Variants in CSMD1 observed in about 807,000 individuals in gnomAD.
CSMD1 encodes the protein CUB and sushi domain-containing protein 1.
A neutral mutation model predicts 417.5 loss-of-function variants in CSMD1; 213 were observed. The observed-to-expected ratio is 0.51, with a 90% CI of 0.46 to 0.57. The LOEUF (loss-of-function observed/expected upper bound fraction) is 0.57, where lower values mean the gene tolerates loss of function less well. CSMD1 is among the 20% of genes least tolerant of loss of function. The pLI, the probability that CSMD1 is intolerant of heterozygous loss-of-function variation, is 0.00. For missense variants in CSMD1, 6,923 were observed against 4,529.7 expected (o/e 1.53, Z -15.17); for synonymous variants, 2,862 against 1,736.8 (o/e 1.65, Z -16.11).
chr8:4,765,094 G>A (rs1032092201), intron 1 of CSMD1, among the ~76,000 whole-genome samples: 1 of 151,978 alleles, frequency 6.6e-6, no homozygotes, highest in African/African-American at 2.4e-5. Context: ...GCAACGCATG[G>A]GCTCATTCAC....
chr8:3,636,699 G>A (rs1315919460), intron 7 of CSMD1, among the ~76,000 whole-genome samples: 10 of 152,226 alleles, frequency 6.6e-5, no homozygotes, highest in African/African-American at 2.2e-4. Context: ...GAAGCCTGGA[G>A]CCACGCTCTT....
At chr8:3,927,640 C>A (rs188408877) in intron 5 of CSMD1, among the ~76,000 whole-genome samples, 1 of 151,668 alleles carries the variant, frequency 6.6e-6, no homozygotes, top group South Asian at 2.1e-4. Flanking sequence ...ACTCCACACT[C>A]GGCGAAAGAG....
chr8:4,192,044 G>T (rs1034828554), intron 3 of CSMD1, among the ~76,000 whole-genome samples: 2 of 152,112 alleles, frequency 1.3e-5, no homozygotes, highest in Non-Finnish European at 2.9e-5. Context: ...TGCAACAAAA[G>T]TATTTGTGTT....
chr8:3,518,081 T>C (rs1001036014), intron 10 of CSMD1, among the ~76,000 whole-genome samples: 1 of 152,092 alleles, frequency 6.6e-6, no homozygotes, highest in African/African-American at 2.4e-5. Context: ...AATGTGATTA[T>C]AACTATAAAA....
At chr8:4,844,714 T>C (rs766485022) in intron 1 of CSMD1, among the ~76,000 whole-genome samples, 2 of 152,206 alleles carry the variant, frequency 1.3e-5, no homozygotes, top group Non-Finnish European at 2.9e-5. Flanking sequence ...AAACAACTAA[T>C]TGTAGTGATA....
intron 7 of CSMD1, among the ~76,000 whole-genome samples, chr8:3,702,704 T>G (rs11988755): frequency 0.079 from 11,998 of 152,186 alleles, 550 homozygotes; most frequent in African/African-American, 0.13. Context: ...TCGTGGTGCA[T>G]GCCTGTAATC....
At chr8:4,065,020 TA>T (rs1342602523) in intron 3 of CSMD1, among the ~76,000 whole-genome samples, 1 of 152,072 alleles carries the variant, frequency 6.6e-6, no homozygotes, top group African/African-American at 2.4e-5. Context: ...TGTTCATTTT[TA>T]AAAAAAATCT....
chr8:4,566,418 C>G (rs1325978730), intron 2 of CSMD1, among the ~76,000 whole-genome samples: 1 of 151,916 alleles, frequency 6.6e-6, no homozygotes, highest in African/African-American at 2.4e-5. Flanking sequence ...CTTTGGGAGG[C>G]CGAGGTGGGT....
At chr8:3,480,831 T>C in intron 11 of CSMD1, among the ~76,000 whole-genome samples, 1 of 152,016 alleles carries the variant, frequency 6.6e-6, no homozygotes, top group South Asian at 2.1e-4. Flanking sequence ...TTAAAAAAAT[T>C]ATCAGGCGTA....
chr8:4,089,581 C>A (rs1199115309), intron 3 of CSMD1, among the ~76,000 whole-genome samples: 1 of 152,056 alleles, frequency 6.6e-6, no homozygotes, highest in Admixed American at 6.5e-5. Flanking sequence ...GTTATTATAC[C>A]TCTTCTCTCA....
chr8:3,839,753 G>A (rs1430202385), intron 5 of CSMD1, among the ~76,000 whole-genome samples: 1 of 151,082 alleles, frequency 6.6e-6, no homozygotes, highest in Non-Finnish European at 1.5e-5. Flanking sequence ...ACCCATGAGT[G>A]CTGCCACTGC....
chr8:3,364,572 T>C (rs1809427401), intron 20 of CSMD1, among the ~76,000 whole-genome samples: 1 of 152,206 alleles, frequency 6.6e-6, no homozygotes, highest in Non-Finnish European at 1.5e-5. Context: ...CCAAAATCCA[T>C]GTGCTGGAAA....
chr8:3,910,130 T>C (rs1047716390), intron 5 of CSMD1, among the ~76,000 whole-genome samples: 1 of 152,180 alleles, frequency 6.6e-6, no homozygotes, highest in African/African-American at 2.4e-5. Context: ...AATAACAGTG[T>C]GTGAGCTTTT....
At chr8:3,835,724 A>C (rs200669936) in intron 5 of CSMD1, among the ~76,000 whole-genome samples, 55,557 of 151,078 alleles carry the variant, frequency 0.37, 10,966 homozygotes, top group African/African-American at 0.51. Context: ...AATTAACAAA[A>C]AAAAAAAAAA....
At chr8:4,218,319 A>G (rs528352201) in intron 3 of CSMD1, among the ~76,000 whole-genome samples, 1 of 152,328 alleles carries the variant, frequency 6.6e-6, no homozygotes, top group African/African-American at 2.4e-5. Context: ...TTCTTAGCCT[A>G]TTCATTAATG....
chr8:2,962,733 C>T (rs567855786), intron 60 of CSMD1, 94 bp from the exon 61 acceptor site: 2 of 1,293,764 alleles, frequency 1.5e-6, no homozygotes, highest in East Asian at 2.5e-5. Context: ...AAATCTTTAG[C>T]TTTAACTATT....
chr8:4,222,859 T>C (rs1801123508), intron 3 of CSMD1, among the ~76,000 whole-genome samples: 2 of 152,156 alleles, frequency 1.3e-5, no homozygotes. Flanking sequence ...GACAATTAAT[T>C]TGTTTTGATC....
chr8:4,644,678 G>C (rs1030534455), intron 1 of CSMD1, among the ~76,000 whole-genome samples: 1 of 152,202 alleles, frequency 6.6e-6, no homozygotes, highest in Non-Finnish European at 1.5e-5. Flanking sequence ...CAAAGTACTG[G>C]AATTACAGGT....
At chr8:3,099,632 T>C (rs1399534193) in intron 46 of CSMD1, among the ~76,000 whole-genome samples, 1 of 152,204 alleles carries the variant, frequency 6.6e-6, no homozygotes, top group Non-Finnish European at 1.5e-5. Flanking sequence ...TCAGGCCATC[T>C]GGAAGTAAGA....
Sources: gnomAD v4.1 joint callset for allele counts (sites outside exome capture counted in the v4.1 genomes callset) on GRCh38, gnomAD v4.1.1 for gene constraint, MANE v1.5 for transcripts, NCBI Gene and HGNC (gene_info 2026-07-23, HGNC 2026-07-21) for gene names.